PPP2R2B: variants seen among roughly 807,000 people sequenced by gnomAD.
The protein encoded by PPP2R2B is serine/threonine-protein phosphatase 2A 55 kDa regulatory subunit B beta isoform.
PPP2R2B carries 5 observed loss-of-function variants against 46.0 expected under a neutral mutation model. The observed-to-expected ratio is 0.11, with a 90% CI of 0.06 to 0.23. The LOEUF (loss-of-function observed/expected upper bound fraction) is 0.23, where lower values mean the gene tolerates loss of function less well. Ranked by LOEUF, PPP2R2B falls within the 10% of genes least tolerant of loss-of-function variation. The probability of loss-of-function intolerance (pLI) is 1.00; values close to 1 mark genes in which losing one functional copy is unlikely to be tolerated. For missense variants in PPP2R2B, 367 were observed against 575.0 expected (o/e 0.64, Z 3.70); for synonymous variants, 215 against 206.7 (o/e 1.04, Z -0.34).
At chr5:146,680,275 C>T (rs534861770) in intron 5 of PPP2R2B, among the ~76,000 whole-genome samples, 1 of 149,164 alleles carries the variant, frequency 6.7e-6, no homozygotes, top group Admixed American at 6.7e-5. Flanking sequence ...AATCATCATT[C>T]TCAGTAAACT....
At chr5:146,795,956 C>T (rs892026334) in intron 2 of PPP2R2B, among the ~76,000 whole-genome samples, 7 of 152,102 alleles carry the variant, frequency 4.6e-5, no homozygotes, top group African/African-American at 1.7e-4. Context: ...TTTATCTATG[C>T]TCAACTGGGT....
At chr5:146,991,475 A>C (rs372617336) in intron 1 of PPP2R2B, among the ~76,000 whole-genome samples, 2 of 152,318 alleles carry the variant, frequency 1.3e-5, no homozygotes, top group East Asian at 3.9e-4. Flanking sequence ...ACAACATTAC[A>C]TTAGGCAGAA....
At chr5:146,924,456 C>T (rs188088659) in intron 1 of PPP2R2B, among the ~76,000 whole-genome samples, 56 of 152,212 alleles carry the variant, frequency 3.7e-4, no homozygotes, top group Admixed American at 3.3e-3. Context: ...AGGATGGGCC[C>T]TTCCCAAGTA....
At position 146,583,852 on chromosome 5, in the gene PPP2R2B, T is replaced by C. The variant is rs558821515; in HGVS notation, c.*6095A>G. The C allele has an allele frequency of 3.3e-5, 5 of 152,352 alleles. No homozygotes were observed. The highest frequency in any genetic ancestry group is 1.2e-4 in the African/African-American group (5 of 41,580). The allele number at this position is 152,352 out of a possible 1,614,324, so 9.4% of individuals were successfully genotyped here. A position where few individuals can be genotyped will look rare whatever the true frequency, so the allele number is the denominator to read the frequency against. Reference sequence around the variant, plus strand: ...TGACTCCCACAAGTATGTATTACTCTGGCTGGAAGGGAGGGCATCCCTAGC... The same window carrying C: ...TGACTCCCACAAGTATGTATTACTCCGGCTGGAAGGGAGGGCATCCCTAGC... On this transcript the variant is annotated 3_prime_UTR_variant, in exon 10 of 10. Transcript: ENST00000394411.
In PPP2R2B at chr5:146,588,734, C is replaced by T. The variant is rs1166731783; in HGVS notation, c.*1213G>A. 2 of 152,186 alleles carry T rather than the reference C, an allele frequency of 1.3e-5. No homozygotes were observed. Among genetic ancestry groups the T allele is most frequent in the Non-Finnish European group, 2.9e-5 (2 of 68,036 alleles). 9.4% of individuals were successfully genotyped at this position (152,186 alleles called of 1,614,324 possible). A position where few individuals can be genotyped will look rare whatever the true frequency, so the allele number is the denominator to read the frequency against. On this transcript the variant is annotated 3_prime_UTR_variant, in exon 10 of 10. Transcript: ENST00000394411. ...CACAGCTTCAAGTGGACTTCATTCACTTCATGTCACAGCTGCTTGATTTCC... is the reference window on the plus strand; with the variant it reads ...CACAGCTTCAAGTGGACTTCATTCATTTCATGTCACAGCTGCTTGATTTCC...
intron 2 of PPP2R2B, among the ~76,000 whole-genome samples, chr5:146,871,285 A>T (rs1016549973): frequency 1.3e-5 from 2 of 152,190 alleles, no homozygotes; most frequent in African/African-American, 4.8e-5. Flanking sequence ...TGCCTCCGTC[A>T]TATTTCTCTT....
intron 2 of PPP2R2B, among the ~76,000 whole-genome samples, chr5:146,847,817 C>T (rs1760097790): frequency 1.3e-5 from 2 of 152,064 alleles, no homozygotes; most frequent in South Asian, 4.2e-4. Flanking sequence ...TCTTATTATC[C>T]AATTCATTGA....
At chr5:147,059,834 G>T (rs1249669205), upstream of PPP2R2B, among the ~76,000 whole-genome samples, 2 of 152,140 alleles carry the variant, frequency 1.3e-5, no homozygotes, top group African/African-American at 4.8e-5. Flanking sequence ...TCCAGCTAGA[G>T]CCCCTGCCTT....
At chr5:147,068,826 C>T (rs1757489223) in intron 2 of PPP2R2B, among the ~76,000 whole-genome samples, 1 of 152,070 alleles carries the variant, frequency 6.6e-6, no homozygotes. Context: ...TTGGTATAGA[C>T]CTGCCAACAT....
chr5:147,027,348 T>C (rs970799898), intron 1 of PPP2R2B, among the ~76,000 whole-genome samples: 1 of 152,138 alleles, frequency 6.6e-6, no homozygotes, highest in African/African-American at 2.4e-5. Context: ...AATTAAAAAT[T>C]AGTGGGCCGG....
At chr5:146,938,828 T>C (rs950156614) in intron 1 of PPP2R2B, among the ~76,000 whole-genome samples, 9 of 130,344 alleles carry the variant, frequency 6.9e-5, no homozygotes, top group African/African-American at 2.7e-4. Flanking sequence ...ATGGAGTGCA[T>C]GGAGTGCAGT....
intron 2 of PPP2R2B, among the ~76,000 whole-genome samples, chr5:146,789,908 G>T (rs1356748148): frequency 6.6e-6 from 1 of 152,160 alleles, no homozygotes; most frequent in African/African-American, 2.4e-5. Context: ...AGGCAGGCAG[G>T]GGCCAGATCA....
chr5:146,625,088 AAAT>A (rs1169792841), intron 7 of PPP2R2B, among the ~76,000 whole-genome samples: 1 of 152,262 alleles, frequency 6.6e-6, no homozygotes, highest in Non-Finnish European at 1.5e-5. Flanking sequence ...TTCGTTGAAT[AAAT>A]AAGTAGCAGT....
At chr5:146,710,697 C>T (rs1780168331) in intron 2 of PPP2R2B, among the ~76,000 whole-genome samples, 1 of 152,266 alleles carries the variant, frequency 6.6e-6, no homozygotes, top group Non-Finnish European at 1.5e-5. Context: ...GCAATACAAA[C>T]TCTGTCAATC....
At chr5:147,018,043 GCACACACA>G (rs60161356) in intron 1 of PPP2R2B, among the ~76,000 whole-genome samples, 12 of 48,278 alleles carry the variant, frequency 2.5e-4, no homozygotes, top group East Asian at 1.2e-3. Flanking sequence ...GCATGCGCGC[GCACACACA>G]CACACACACA....
upstream of PPP2R2B, among the ~76,000 whole-genome samples, chr5:146,880,221 GT>G (rs1762121806): frequency 6.7e-6 from 1 of 149,056 alleles, no homozygotes; most frequent in African/African-American, 2.5e-5. Context: ...GTGTGTGTGT[GT>G]GTGGTGGGGG....
intron 1 of PPP2R2B, among the ~76,000 whole-genome samples, chr5:147,018,456 C>T (rs1252145735): frequency 3.3e-5 from 5 of 152,122 alleles, no homozygotes; most frequent in Non-Finnish European, 7.4e-5. Flanking sequence ...TAAAAGATCT[C>T]ATTTTTTATA....
intron 2 of PPP2R2B, among the ~76,000 whole-genome samples, chr5:146,721,156 C>A (rs1780775595): frequency 1.3e-5 from 2 of 152,186 alleles, no homozygotes; most frequent in Admixed American, 6.5e-5. Context: ...TGACATTTAC[C>A]TCCAAACTGG....
intron 2 of PPP2R2B, chr5:146,707,040 A>G: frequency 9.1e-7 from 1 of 1,098,040 alleles, no homozygotes; most frequent in Non-Finnish European, 1.4e-6. Flanking sequence ...GGACAAATTC[A>G]TTCTCCGTCT....
Sources: gnomAD v4.1 joint callset for allele counts (sites outside exome capture counted in the v4.1 genomes callset) on GRCh38, gnomAD v4.1.1 for gene constraint, MANE v1.5 for transcripts, NCBI Gene and HGNC (gene_info 2026-07-23, HGNC 2026-07-21) for gene names.